SLC9C2: variants seen among roughly 807,000 people sequenced by gnomAD.
The protein encoded by SLC9C2 is solute carrier family 9 member C2 (putative).
A neutral mutation model predicts 140.2 loss-of-function variants in SLC9C2; 75 were observed. The observed-to-expected ratio is 0.53, with a 90% CI of 0.44 to 0.65. SLC9C2 has a LOEUF of 0.65. Ranked by LOEUF, SLC9C2 falls within the 30% of genes least tolerant of loss-of-function variation. The pLI is 0.00. For synonymous variants in SLC9C2, 375 were observed against 420.9 expected, an observed-to-expected ratio of 0.89 and a Z score of 1.34; for missense variants, 1,074 against 1,331.8, an observed-to-expected ratio of 0.81 and a Z score of 3.01.
intron 26 of SLC9C2, among the ~76,000 whole-genome samples, chr1:173,503,685 G>A (rs374128786): frequency 1.3e-5 from 2 of 152,190 alleles, no homozygotes; most frequent in African/African-American, 4.8e-5. Context: ...TGAGGGCTGA[G>A]TGCTGGCAGA....
intron 9 of SLC9C2, among the ~76,000 whole-genome samples, chr1:173,560,556 G>T (rs1664037730): frequency 6.6e-6 from 1 of 152,206 alleles, no homozygotes; most frequent in South Asian, 2.1e-4. Context: ...AGCCTTGGAT[G>T]AAACTGTGCT....
At chr1:173,582,059 T>C (rs1665574036) in intron 6 of SLC9C2, 51 bp from the exon 7 acceptor site, 1 of 1,382,370 alleles carries the variant, frequency 7.2e-7, no homozygotes, top group East Asian at 2.6e-5. Flanking sequence ...CTATAACTTT[T>C]GTCTCTTTCA....
intron 22 of SLC9C2, among the ~76,000 whole-genome samples, chr1:173,517,921 A>C (rs1660530803): frequency 6.6e-6 from 1 of 152,194 alleles, no homozygotes; most frequent in Admixed American, 6.5e-5. Context: ...TTAGTTTTAC[A>C]GATGACCCCT....
intron 4 of SLC9C2, among the ~76,000 whole-genome samples, chr1:173,594,123 C>A (rs1666319656): frequency 1.3e-5 from 2 of 152,022 alleles, no homozygotes; most frequent in South Asian, 4.1e-4. Flanking sequence ...CAAATTGAGA[C>A]AAAACAGATA....
intron 18 of SLC9C2, among the ~76,000 whole-genome samples, chr1:173,528,223 A>C (rs1443036753): frequency 2.6e-5 from 4 of 152,226 alleles, no homozygotes; most frequent in African/African-American, 9.6e-5. Context: ...GTTTCAGAAT[A>C]AACACCAGTT....
chr1:173,515,755 G>A (rs185701388), intron 23 of SLC9C2, among the ~76,000 whole-genome samples: 1 of 152,234 alleles, frequency 6.6e-6, no homozygotes, highest in East Asian at 1.9e-4. Context: ...AGCCTTTTGA[G>A]TTTTCAGTGT....
chr1:173,543,113 T>C (rs955566045), intron 13 of SLC9C2, among the ~76,000 whole-genome samples: 3 of 152,302 alleles, frequency 2.0e-5, no homozygotes, highest in South Asian at 2.1e-4. Flanking sequence ...GAAAACCCCA[T>C]TGTCTCACCC....
At position 173,576,600 on chromosome 1, in the gene SLC9C2, C is replaced by T. The variant is rs1448180472; in HGVS notation, c.902+61G>A. The T allele has an allele frequency of 1.7e-5, 17 of 1,019,750 alleles. 1 individual carries two copies. Among genetic ancestry groups the T allele is most frequent in the South Asian group, 7.3e-5 (5 of 68,164 alleles). The allele number at this position is 1,019,750 out of a possible 1,614,324, so 63.2% of individuals were successfully genotyped here. ...AGAGTTTTACTAGTGTCCATGAAGG[C>T]GAGACGCCTTATGCACTAAACTGCT... On this transcript the variant is annotated intron_variant, in intron 8 of 27. Transcript: ENST00000367714.
chr1:173,510,342 G>A (rs1307506609), intron 23 of SLC9C2, among the ~76,000 whole-genome samples: 1 of 152,132 alleles, frequency 6.6e-6, no homozygotes, highest in Admixed American at 6.5e-5. Flanking sequence ...TGTACTTTAA[G>A]TTCCAGGATA....
chr1:173,549,560 T>C (rs1030065021), intron 11 of SLC9C2, among the ~76,000 whole-genome samples: 4 of 152,216 alleles, frequency 2.6e-5, no homozygotes, highest in African/African-American at 9.6e-5. Context: ...TACATCTGAA[T>C]ATACTCCCAG....
intron 24 of SLC9C2, 120 bp downstream of exon 24, chr1:173,509,448 A>AG: frequency 9.9e-7 from 1 of 1,015,224 alleles, no homozygotes; most frequent in Non-Finnish European, 1.3e-6. Context: ...CTGTCTCAAA[A>AG]AAAAAAAAAA....
chr1:173,576,246 A>G (rs9425731), intron 8 of SLC9C2, among the ~76,000 whole-genome samples: 1,692 of 152,330 alleles, frequency 0.011, 16 homozygotes, highest in Middle Eastern at 0.02. Context: ...GGCATTTATT[A>G]CCAGGAGTAA....
At chr1:173,534,145 A>G (rs556737536) in intron 16 of SLC9C2, among the ~76,000 whole-genome samples, 78 of 152,264 alleles carry the variant, frequency 5.1e-4, no homozygotes, top group Non-Finnish European at 1.1e-3. Context: ...TTTATGACAA[A>G]GACCTAGCAA....
At chr1:173,506,747 A>T in intron 25 of SLC9C2, 109 bp downstream of exon 25, 1 of 872,136 alleles carries the variant, frequency 1.1e-6, no homozygotes, top group Non-Finnish European at 1.7e-6. Context: ...AGTAAGAACT[A>T]CAGGGTCATT....
intron 9 of SLC9C2, among the ~76,000 whole-genome samples, chr1:173,570,582 TC>T (rs1261909410): frequency 1.3e-5 from 2 of 151,902 alleles, no homozygotes; most frequent in Non-Finnish European, 2.9e-5. Context: ...ACTGCCCCGG[TC>T]CACTGGCTCT....
At chr1:173,554,113 G>C (rs1663504807) in intron 11 of SLC9C2, among the ~76,000 whole-genome samples, 1 of 152,220 alleles carries the variant, frequency 6.6e-6, no homozygotes, top group South Asian at 2.1e-4. Context: ...AGAGCCTGCT[G>C]TTATCTCCCA....
In SLC9C2 at chr1:173,572,965, T is replaced by C. The variant is rs546738295; in HGVS notation, c.1046+217A>G. 1.3e-4 allele frequency among the ~76,000 whole-genome samples: 20 copies of C among 152,322 alleles called. No individual in the cohort carries two copies. The South Asian group carries it at 3.9e-3, about 30-fold the overall frequency. ...TGAATATGCATTTCTGTCTAGCTTA[T>C]GGGTGACGCCGATCCCTCTCATTTT... On this transcript the variant is annotated intron_variant, in intron 9 of 27. Coordinates refer to ENST00000367714, the MANE Select transcript of SLC9C2 (RefSeq NM_178527.4).
chr1:173,520,160 G>A (rs1660709115), intron 22 of SLC9C2, among the ~76,000 whole-genome samples: 1 of 152,070 alleles, frequency 6.6e-6, no homozygotes. Flanking sequence ...GAGTGCAGTG[G>A]CAGGATCTCG....
intron 7 of SLC9C2, among the ~76,000 whole-genome samples, chr1:173,578,589 G>C (rs765423001): frequency 2.0e-5 from 3 of 152,112 alleles, no homozygotes; most frequent in Non-Finnish European, 4.4e-5. Flanking sequence ...GCACAAACTG[G>C]GGGGCTTAAA....
Sources: gnomAD v4.1 joint callset for allele counts (sites outside exome capture counted in the v4.1 genomes callset) on GRCh38, gnomAD v4.1.1 for gene constraint, MANE v1.5 for transcripts, NCBI Gene and HGNC (gene_info 2026-07-23, HGNC 2026-07-21) for gene names.